Variants in ZBTB20 observed in about 807,000 individuals in gnomAD.
The protein encoded by ZBTB20 is zinc finger and BTB domain-containing protein 20.
A neutral mutation model predicts 56.9 loss-of-function variants in ZBTB20; 9 were observed. That is an observed-to-expected ratio of 0.16 (90% CI 0.10 to 0.28). The LOEUF (loss-of-function observed/expected upper bound fraction) is 0.28. Ranked by LOEUF, ZBTB20 falls within the 10% of genes least tolerant of loss-of-function variation. The probability of loss-of-function intolerance (pLI) is 1.00; values close to 1 mark genes in which losing one functional copy is unlikely to be tolerated. For missense variants in ZBTB20, 655 were observed against 1,003.0 expected (o/e 0.65, Z 4.69); for synonymous variants, 417 against 420.7 (o/e 0.99, Z 0.11).
Position 114,819,325 on chromosome 3 carries a change from A to T in ZBTB20, c.-416-18151T>A, listed in dbSNP as rs187427457. Among the ~76,000 whole-genome samples the T allele has an allele frequency of 3.6e-3, 548 of 152,050 alleles. 10 individuals are homozygous for T. The highest frequency in any genetic ancestry group is 0.031 in the Admixed American group (480 of 15,256). Reference sequence around the variant, plus strand: ...CAATTCCAACAAATATTCCAATGAAACATTTTTATGAACTCAACAAACTAA... The same window carrying T: ...CAATTCCAACAAATATTCCAATGAATCATTTTTATGAACTCAACAAACTAA... On this transcript the variant is annotated intron_variant, in intron 4 of 11. Transcript: ENST00000675478.
At chr3:114,707,893 A>G (rs2063812802) in intron 5 of ZBTB20, among the ~76,000 whole-genome samples, 1 of 152,226 alleles carries the variant, frequency 6.6e-6, no homozygotes, top group African/African-American at 2.4e-5. Flanking sequence ...ATTACTTTTA[A>G]CCACAGGGCA....
At chr3:114,486,001 G>T (rs988006444) in intron 7 of ZBTB20, among the ~76,000 whole-genome samples, 1 of 152,028 alleles carries the variant, frequency 6.6e-6, no homozygotes, top group African/African-American at 2.4e-5. Flanking sequence ...CATTTTCTAA[G>T]AAGGAATAAG....
At chr3:115,049,991 A>G (rs1359148160) in intron 2 of ZBTB20, among the ~76,000 whole-genome samples, 1 of 152,124 alleles carries the variant, frequency 6.6e-6, no homozygotes, top group Non-Finnish European at 1.5e-5. Flanking sequence ...AAAACAGCCA[A>G]AAGATTATAT....
intron 7 of ZBTB20, among the ~76,000 whole-genome samples, chr3:114,479,652 C>T (rs1260738681): frequency 3.9e-5 from 6 of 152,136 alleles, no homozygotes; most frequent in Non-Finnish European, 8.8e-5. Context: ...ATTGTGTGGA[C>T]GTGTCTATGT....
At chr3:114,956,360 C>G (rs755977378) in intron 3 of ZBTB20, among the ~76,000 whole-genome samples, 1 of 152,174 alleles carries the variant, frequency 6.6e-6, no homozygotes, top group East Asian at 1.9e-4. Context: ...CAGTTCACCC[C>G]TTTGTGACCA....
At chr3:114,366,730 A>C (rs1030642591) in intron 10 of ZBTB20, 3 of 152,268 alleles carry the variant, frequency 2.0e-5, no homozygotes, top group Admixed American at 1.3e-4. Context: ...TAAGAGAAGC[A>C]GACGTCCGAA....
intron 2 of ZBTB20, among the ~76,000 whole-genome samples, chr3:115,007,610 G>A (rs1157805536): frequency 1.3e-5 from 2 of 151,502 alleles, no homozygotes; most frequent in East Asian, 3.9e-4. Context: ...ATAAAAATAA[G>A]CATACAATAG....
intron 6 of ZBTB20, among the ~76,000 whole-genome samples, chr3:114,692,365 G>A (rs1441125156): frequency 6.6e-6 from 1 of 152,114 alleles, no homozygotes; most frequent in East Asian, 1.9e-4. Flanking sequence ...GACAGAGATA[G>A]ATGTGCAACA....
chr3:114,777,572 G>A (rs953572919), intron 5 of ZBTB20, among the ~76,000 whole-genome samples: 5 of 152,198 alleles, frequency 3.3e-5, no homozygotes, highest in East Asian at 1.9e-4. Flanking sequence ...TTAGAATGGC[G>A]ATCATTAAAA....
intron 5 of ZBTB20, among the ~76,000 whole-genome samples, chr3:114,768,992 G>T (rs955228918): frequency 6.6e-6 from 1 of 152,160 alleles, no homozygotes; most frequent in African/African-American, 2.4e-5. Flanking sequence ...CCTCAAATGA[G>T]TTGATACCCA....
intron 6 of ZBTB20, among the ~76,000 whole-genome samples, chr3:114,537,912 C>T (rs936308136): frequency 6.6e-6 from 1 of 151,828 alleles, no homozygotes; most frequent in Non-Finnish European, 1.5e-5. Flanking sequence ...TGTTCTCACT[C>T]ATAAGTGAGA....
chr3:115,009,592 G>A (rs1291820092), intron 2 of ZBTB20, among the ~76,000 whole-genome samples: 1 of 151,956 alleles, frequency 6.6e-6, no homozygotes, highest in Non-Finnish European at 1.5e-5. Context: ...TGATTTGAAT[G>A]TATCCCTCAA....
intron 2 of ZBTB20, among the ~76,000 whole-genome samples, chr3:115,066,013 C>A (rs1449625539): frequency 6.6e-6 from 1 of 152,116 alleles, no homozygotes; most frequent in East Asian, 1.9e-4. Flanking sequence ...TGACTCTGGA[C>A]ATCCTGTTTT....
At chr3:114,742,670 C>T (rs1463143316) in intron 5 of ZBTB20, among the ~76,000 whole-genome samples, 2 of 152,146 alleles carry the variant, frequency 1.3e-5, no homozygotes, top group African/African-American at 4.8e-5. Context: ...GATATGAACT[C>T]AGATCTGTCT....
rs138609159 is a variant in ZBTB20 at position 114,568,144 on chromosome 3, C to A, written c.-294-67753G>T. Among the ~76,000 whole-genome samples, 5 of 152,234 alleles carry A rather than the reference C, an allele frequency of 3.3e-5. 1 individual carries two copies. Among genetic ancestry groups the A allele is most frequent in the Admixed American group, 3.3e-4 (5 of 15,284 alleles). ...CTCTTCGCTGCCTTTCTCAATAGAACAGGCTGAGGAGGAACTAGTGCTCAG... is the reference window on the plus strand; with the variant it reads ...CTCTTCGCTGCCTTTCTCAATAGAAAAGGCTGAGGAGGAACTAGTGCTCAG... On this transcript the variant is annotated intron_variant, in intron 6 of 11. Transcript: ENST00000675478.
chr3:114,900,067 G>C (rs544037452), intron 4 of ZBTB20, among the ~76,000 whole-genome samples: 2 of 152,046 alleles, frequency 1.3e-5, no homozygotes, highest in African/African-American at 2.4e-5. Flanking sequence ...TGAATGCTTT[G>C]TAATTAAAAT....
At chr3:114,845,142 A>G (rs2074626818) in intron 4 of ZBTB20, among the ~76,000 whole-genome samples, 1 of 151,766 alleles carries the variant, frequency 6.6e-6, no homozygotes. Flanking sequence ...ATCTCCTAAC[A>G]TACTACATGA....
intron 4 of ZBTB20, among the ~76,000 whole-genome samples, chr3:114,863,529 A>G (rs1429039742): frequency 6.6e-6 from 1 of 152,106 alleles, no homozygotes; most frequent in African/African-American, 2.4e-5. Flanking sequence ...ACTCTATCAC[A>G]TATGGGCTAA....
At chr3:114,908,561 G>A (rs996386205) in intron 3 of ZBTB20, among the ~76,000 whole-genome samples, 1 of 151,832 alleles carries the variant, frequency 6.6e-6, no homozygotes, top group African/African-American at 2.4e-5. Context: ...GAGTCTCACA[G>A]AAAAAGCAAA....
Sources: gnomAD v4.1 joint callset for allele counts (sites outside exome capture counted in the v4.1 genomes callset) on GRCh38, gnomAD v4.1.1 for gene constraint, MANE v1.5 for transcripts, NCBI Gene and HGNC (gene_info 2026-07-23, HGNC 2026-07-21) for gene names.